The following FNIP2 variants were observed in gnomAD, a reference collection of about 807,000 sequenced individuals.
FNIP2 encodes the protein folliculin-interacting protein 2.
FNIP2 carries 32 observed loss-of-function variants against 108.7 expected under a neutral mutation model. The ratio of observed to expected loss-of-function variants is 0.29; its 90% CI spans 0.22 to 0.40. The LOEUF (loss-of-function observed/expected upper bound fraction) is 0.40. Among genes scored for constraint, FNIP2 ranks in the 10% least tolerant of loss-of-function variants. The pLI is 1.00. For missense variants in FNIP2, 1,202 were observed against 1,381.6 expected, an observed-to-expected ratio of 0.87 and a Z score of 2.06; for synonymous variants, 480 against 496.7, an observed-to-expected ratio of 0.97 and a Z score of 0.45.
chr4:158,859,430 G>A (rs1780162327), intron 9 of FNIP2, 148 bp from the exon 10 acceptor site: 2 of 992,330 alleles, frequency 2.0e-6, no homozygotes, highest in South Asian at 1.7e-5. Context: ...GTTACCTTAG[G>A]GAAGGAAATG....
intron 12 of FNIP2, among the ~76,000 whole-genome samples, chr4:158,865,244 ACATT>A (rs1403335809): frequency 6.6e-6 from 1 of 152,254 alleles, no homozygotes; most frequent in Non-Finnish European, 1.5e-5. Flanking sequence ...CATGTTAAGT[ACATT>A]CACATTGTTG....
In FNIP2 at chr4:158,862,003, A is replaced by G. The variant is rs527602575; in HGVS notation, c.1465+227A>G. On this transcript the variant is annotated intron_variant, in intron 12 of 16. Transcript: ENST00000264433. ...TACACTCTTAAAGCAGTATAAGCCA[A>G]CTGTGTTCTCCCATTCCACAGTGGC... is the stretch of plus-strand genomic sequence containing the variant. Among the ~76,000 whole-genome samples, 386 of 152,252 alleles carry G rather than the reference A, an allele frequency of 2.5e-3. 3 individuals carry two copies. Among genetic ancestry groups the G allele is most frequent in the African/African-American group, 8.8e-3 (365 of 41,550 alleles).
At chr4:158,782,803 T>C (rs935540942) in intron 1 of FNIP2, among the ~76,000 whole-genome samples, 28 of 152,208 alleles carry the variant, frequency 1.8e-4, no homozygotes, top group African/African-American at 6.5e-4. Flanking sequence ...CCAGTAATCT[T>C]ATCTACAGAG....
At chr4:158,819,885 G>GATC (rs1027989798) in intron 1 of FNIP2, among the ~76,000 whole-genome samples, 7 of 152,134 alleles carry the variant, frequency 4.6e-5, no homozygotes, top group African/African-American at 1.7e-4. Context: ...TGTTTTTTGA[G>GATC]AGAATAAGGA....
chr4:158,883,943 TAAG>T (rs1266627418), intron 14 of FNIP2, among the ~76,000 whole-genome samples: 4 of 134,688 alleles, frequency 3.0e-5, no homozygotes, highest in African/African-American at 1.1e-4. Context: ...AGATACTTAA[TAAG>T]CTCTTTTTTT....
At chr4:158,812,014 A>G (rs1777302439) in intron 1 of FNIP2, among the ~76,000 whole-genome samples, 1 of 152,220 alleles carries the variant, frequency 6.6e-6, no homozygotes, top group Non-Finnish European at 1.5e-5. Context: ...GATGATTTGG[A>G]TTCAGAAAGT....
chr4:158,870,748 G>A (rs1380987224), intron 14 of FNIP2, among the ~76,000 whole-genome samples: 3 of 152,244 alleles, frequency 2.0e-5, no homozygotes, highest in African/African-American at 7.2e-5. Context: ...GGCTGCAGGA[G>A]CAGTGAGGAG....
chr4:158,859,148 T>G lies in FNIP2; in HGVS notation c.949T>G (p.Phe317Val), dbSNP rs1028761895. ...GAAGAAAATTGCCATAAGCATCATC[T>G]TTTCCCTATGTGAGAAAGAAGAAGC... Reference protein sequence around the residue: ...RRKKIAISIIFSLCEKEEAQR... With the variant: ...RRKKIAISIIVSLCEKEEAQR... The change falls in exon 9 of 17, where the codon TTT becomes GTT. Residue 317 changes from phenylalanine to valine, a missense_variant. This residue lies in a region of FNIP2 where 878 missense variants were observed against 990.3 expected (regional missense o/e 0.89). Transcript: ENST00000264433. 1.2e-6 allele frequency: 2 copies of G among 1,614,010 alleles called. No individual in the cohort carries two copies. The highest frequency in any genetic ancestry group is 3.3e-5 in the Admixed American group (2 of 60,030).
At chr4:158,853,651 T>A (rs1418457189) in intron 8 of FNIP2, among the ~76,000 whole-genome samples, 1 of 152,230 alleles carries the variant, frequency 6.6e-6, no homozygotes, top group Non-Finnish European at 1.5e-5. Flanking sequence ...CTTGCGATAG[T>A]TTGCTCAGAA....
rs183218479 is a variant in FNIP2, at chr4:158,811,800, G to A, written c.108-14116G>A. ...AATCTGTCAGTGATCCATGAGTCCC[G>A]AAGTTAGAGAAATATAAAGGCTGGG... On this transcript the variant is annotated intron_variant, in intron 1 of 16. Coordinates refer to ENST00000264433, the MANE Select transcript of FNIP2 (RefSeq NM_020840.3). 3.7e-4 allele frequency among the ~76,000 whole-genome samples: 56 copies of A among 152,306 alleles called. 1 individual carries two copies. Among genetic ancestry groups the A allele is most frequent in the Admixed American group, 3.3e-3 (51 of 15,302 alleles).
At chr4:158,870,262 A>T in intron 13 of FNIP2, 51 bp from the exon 14 acceptor site, 3 of 1,586,234 alleles carry the variant, frequency 1.9e-6, no homozygotes, top group Non-Finnish European at 2.6e-6. Flanking sequence ...ATAATGAAAG[A>T]AAAAAGTACA....
Position 158,869,056 on chromosome 4 carries a change from C to T in FNIP2, c.2420C>T (p.Ala807Val). 1 of 1,613,980 alleles carries T rather than the reference C, an allele frequency of 6.2e-7. No homozygotes were observed. The highest frequency in any genetic ancestry group is 8.5e-7 in the Non-Finnish European group (1 of 1,179,888). The stretch of plus-strand genomic sequence containing the variant: ...AGAGGCAGCAGAAACGACATGGCAG[C>T]AGATATTGCTGGGCAGCTCAGCCAC... ...EDRGSRNDMAADIAGQLSHAA... is the reference protein window; with the variant it reads ...EDRGSRNDMAVDIAGQLSHAA... The change falls in exon 13 of 17, where the codon GCA becomes GTA. Residue 807 changes from alanine to valine, a missense_variant. Physicochemically the swap from Ala to Val is moderately conservative, Grantham distance 64. Transcript: ENST00000264433.
chr4:158,878,450 T>C (rs1444063664), intron 14 of FNIP2, among the ~76,000 whole-genome samples: 1 of 152,224 alleles, frequency 6.6e-6, no homozygotes, highest in African/African-American at 2.4e-5. Flanking sequence ...CAAAACCCCC[T>C]GTCTGTGCTA....
chr4:158,817,694 C>G (rs898153636), intron 1 of FNIP2, among the ~76,000 whole-genome samples: 1 of 152,100 alleles, frequency 6.6e-6, no homozygotes, highest in Non-Finnish European at 1.5e-5. Flanking sequence ...ATCACAGGCG[C>G]CCACCGCCAT....
chr4:158,830,173 A>G (rs144363126), intron 3 of FNIP2, among the ~76,000 whole-genome samples: 10 of 151,342 alleles, frequency 6.6e-5, no homozygotes, highest in Admixed American at 5.3e-4. Context: ...CTGTCTGCAT[A>G]TAGTGGGAAG....
chr4:158,773,058 G>A (rs1353625019), intron 1 of FNIP2, among the ~76,000 whole-genome samples: 1 of 152,098 alleles, frequency 6.6e-6, no homozygotes, highest in African/African-American at 2.4e-5. Context: ...CCAGATGCAA[G>A]TATTTCTAAT....
chr4:158,825,883 A>T, intron 1 of FNIP2, 33 bp from the exon 2 acceptor site: 3 of 1,593,786 alleles, frequency 1.9e-6, no homozygotes, highest in Non-Finnish European at 2.6e-6. Context: ...TGCTGCAGAT[A>T]ACATAACTTC....
chr4:158,844,905 T>C (rs2126633705), intron 7 of FNIP2, among the ~76,000 whole-genome samples: 1 of 152,350 alleles, frequency 6.6e-6, no homozygotes, highest in South Asian at 2.1e-4. Context: ...TTAGATTGAT[T>C]CTCTTTTCTT....
intron 14 of FNIP2, among the ~76,000 whole-genome samples, chr4:158,884,218 T>G (rs35747642): frequency 0.3 from 45,440 of 152,036 alleles, 7,440 homozygotes; most frequent in Non-Finnish European, 0.38. Flanking sequence ...ATGCACAGAT[T>G]ACTTAATAGG....
Sources: gnomAD v4.1 joint callset for allele counts (sites outside exome capture counted in the v4.1 genomes callset) on GRCh38, gnomAD v4.1.1 for gene constraint, gnomAD v4.1.1 regional missense constraint, MANE v1.5 for transcripts, NCBI Gene and HGNC (gene_info 2026-07-23, HGNC 2026-07-21) for gene names.